The following GALNT13 variants were observed in gnomAD, a reference collection of about 807,000 sequenced individuals.
GALNT13 encodes the protein polypeptide N-acetylgalactosaminyltransferase 13, also known as UDP-GalNAc:polypeptide N-acetylgalactosaminyltransferase 13.
A neutral mutation model predicts 64.2 loss-of-function variants in GALNT13; 28 were observed. That is an observed-to-expected ratio of 0.44 (90% CI 0.32 to 0.60). The LOEUF (loss-of-function observed/expected upper bound fraction) is 0.60. GALNT13 is among the 20% of genes least tolerant of loss of function. GALNT13 has a pLI of 0.05. For synonymous variants in GALNT13, 214 were observed against 224.6 expected, an observed-to-expected ratio of 0.95 and a Z score of 0.42; for missense variants, 577 against 669.8, an observed-to-expected ratio of 0.86 and a Z score of 1.53.
intron 8 of GALNT13, among the ~76,000 whole-genome samples, chr2:154,268,877 C>T (rs1573988687): frequency 6.6e-6 from 1 of 152,066 alleles, no homozygotes; most frequent in African/African-American, 2.4e-5. Flanking sequence ...GGCAATATTA[C>T]TTTTTATTAT....
At chr2:153,856,874 C>G in the GALNT13 span, among the ~76,000 whole-genome samples, 1 of 152,040 alleles carries the variant, frequency 6.6e-6, no homozygotes, top group East Asian at 1.9e-4. Context: ...AAATGATTGT[C>G]AACTCTAACG....
chr2:153,646,962 C>A, the GALNT13 span, among the ~76,000 whole-genome samples: 7 of 152,222 alleles, frequency 4.6e-5, no homozygotes, highest in African/African-American at 1.4e-4. Flanking sequence ...GATTTATATT[C>A]CTTTGGGTAT....
At chr2:154,108,356 T>C (rs1702740060) in intron 3 of GALNT13, among the ~76,000 whole-genome samples, 1 of 152,124 alleles carries the variant, frequency 6.6e-6, no homozygotes, top group Non-Finnish European at 1.5e-5. Context: ...TTTTTCATGA[T>C]TAATGATATT....
At chr2:154,386,815 C>T (rs935178636) in intron 9 of GALNT13, among the ~76,000 whole-genome samples, 1 of 151,912 alleles carries the variant, frequency 6.6e-6, no homozygotes, top group Non-Finnish European at 1.5e-5. Context: ...GATCTTGGAC[C>T]AAGCATTTGA....
chr2:154,108,010 A>G (rs1436400059), intron 3 of GALNT13, among the ~76,000 whole-genome samples: 1 of 152,096 alleles, frequency 6.6e-6, no homozygotes, highest in Non-Finnish European at 1.5e-5. Flanking sequence ...GTGTTGTTGT[A>G]CACTTGGGTT....
At chr2:154,397,750 A>G (rs799804) in intron 10 of GALNT13, among the ~76,000 whole-genome samples, 52,309 of 152,076 alleles carry the variant, frequency 0.34, 9,458 homozygotes, top group African/African-American at 0.45. Context: ...CTTCCTCATT[A>G]GCCATGTAAA....
In GALNT13 at chr2:154,163,457, C is replaced by G. The variant is rs754696033; in HGVS notation, c.311+22952C>G. On this transcript the variant is annotated intron_variant, in intron 4 of 12. Transcript: ENST00000392825. The stretch of plus-strand genomic sequence containing the variant: ...AAATACAAACTACCATCAGAGAATA[C>G]TATAAACACCTCTATGCAAATAAAC... 3.3e-5 allele frequency among the ~76,000 whole-genome samples: 5 copies of G among 152,198 alleles called. No homozygotes were observed. In the South Asian group the frequency reaches 6.2e-4, roughly 19 times the overall value.
At chr2:153,257,624 G>A in the GALNT13 span, among the ~76,000 whole-genome samples, 2 of 152,070 alleles carry the variant, frequency 1.3e-5, no homozygotes, top group Non-Finnish European at 2.9e-5. Context: ...GTTTATCAGA[G>A]CCAAGAAATC....
At chr2:154,171,678 A>G (rs925877476) in intron 4 of GALNT13, among the ~76,000 whole-genome samples, 3 of 152,070 alleles carry the variant, frequency 2.0e-5, no homozygotes, top group Non-Finnish European at 4.4e-5. Flanking sequence ...ATGTGTTATT[A>G]AGACAGGCAC....
chr2:153,095,039 G>A, the GALNT13 span, among the ~76,000 whole-genome samples: 19 of 151,882 alleles, frequency 1.3e-4, no homozygotes, highest in African/African-American at 4.6e-4. Flanking sequence ...TTGACAAATG[G>A]GATCTAATTA....
the GALNT13 span, among the ~76,000 whole-genome samples, chr2:153,544,613 A>C: frequency 6.6e-6 from 1 of 152,196 alleles, no homozygotes; most frequent in East Asian, 1.9e-4. Flanking sequence ...AACTAAGAAA[A>C]ATTTTTGTCC....
chr2:154,272,650 G>T (rs1285869585), intron 8 of GALNT13, among the ~76,000 whole-genome samples: 2 of 151,944 alleles, frequency 1.3e-5, no homozygotes, highest in African/African-American at 2.4e-5. Context: ...ATCCCCTTAA[G>T]GCCAAATTTC....
chr2:154,389,911 G>T (rs1313130468), intron 9 of GALNT13, among the ~76,000 whole-genome samples: 1 of 152,140 alleles, frequency 6.6e-6, no homozygotes, highest in African/African-American at 2.4e-5. Flanking sequence ...AGTCATGATG[G>T]GTGAGGGGGT....
At chr2:153,537,829 G>A in the GALNT13 span, among the ~76,000 whole-genome samples, 1 of 152,168 alleles carries the variant, frequency 6.6e-6, no homozygotes, top group African/African-American at 2.4e-5. Context: ...ATGATTGTAT[G>A]TTTCCTGAGG....
chr2:153,118,331 C>T, the GALNT13 span, among the ~76,000 whole-genome samples: 1 of 152,328 alleles, frequency 6.6e-6, no homozygotes, highest in South Asian at 2.1e-4. Context: ...CTTCCTCAGA[C>T]AGGCTGTCCT....
the GALNT13 span, among the ~76,000 whole-genome samples, chr2:153,257,641 G>C: frequency 6.6e-6 from 1 of 151,994 alleles, no homozygotes; most frequent in African/African-American, 2.4e-5. Flanking sequence ...AATCTTTTTT[G>C]AGCTATTGGC....
chr2:153,804,920 A>G, the GALNT13 span, among the ~76,000 whole-genome samples: 3 of 152,074 alleles, frequency 2.0e-5, no homozygotes, highest in Non-Finnish European at 2.9e-5. Context: ...GTTAATAAGA[A>G]TTAGAAAAGT....
the GALNT13 span, among the ~76,000 whole-genome samples, chr2:153,122,827 A>C: frequency 3.3e-5 from 5 of 152,120 alleles, no homozygotes; most frequent in African/African-American, 1.2e-4. Flanking sequence ...CCCTCCCCCC[A>C]AAAATATATT....
intron 9 of GALNT13, among the ~76,000 whole-genome samples, chr2:154,383,286 GT>G (rs1378350428): frequency 1.3e-5 from 2 of 151,764 alleles, no homozygotes; most frequent in Non-Finnish European, 2.9e-5. Flanking sequence ...CTGTTTGAGT[GT>G]TTTATATGTT....
Sources: gnomAD v4.1 joint callset for allele counts (sites outside exome capture counted in the v4.1 genomes callset) on GRCh38, gnomAD v4.1.1 for gene constraint, MANE v1.5 for transcripts, NCBI Gene and HGNC (gene_info 2026-07-23, HGNC 2026-07-21) for gene names.